Variants in ZC3H12B observed in about 807,000 individuals in gnomAD.
ZC3H12B encodes probable ribonuclease ZC3H12B.
Under a neutral mutation model 43.9 loss-of-function variants are expected in ZC3H12B, and 7 were observed. The ratio of observed to expected loss-of-function variants is 0.16; its 90% CI spans 0.09 to 0.30. The LOEUF (loss-of-function observed/expected upper bound fraction) is 0.30, where lower values mean the gene tolerates loss of function less well. ZC3H12B is among the 10% of genes least tolerant of loss of function. ZC3H12B has a pLI of 1.00. For synonymous variants in ZC3H12B, 222 were observed against 241.7 expected, an observed-to-expected ratio of 0.92 and a Z score of 0.76; for missense variants, 475 against 670.2, an observed-to-expected ratio of 0.71 and a Z score of 3.22.
the ZC3H12B span, among the ~76,000 whole-genome samples, chrX:65,135,759 T>C: frequency 9.2e-6 from 1 of 108,573 alleles, no homozygotes; most frequent in African/African-American, 3.3e-5. Context: ...TCTTTTTTTT[T>C]TTTTTTTGAG....
chrX:65,324,891 G>A, the ZC3H12B span, among the ~76,000 whole-genome samples: 1 of 109,820 alleles, frequency 9.1e-6, no homozygotes, highest in African/African-American at 3.3e-5. Flanking sequence ...AGAAAGTAGG[G>A]TATTTAAGTA....
the ZC3H12B span, chrX:65,271,561 G>C: frequency 8.9e-6 from 1 of 112,258 alleles, no homozygotes; most frequent in Non-Finnish European, 1.9e-5. Context: ...TGGATGATAT[G>C]GTAAACATTT....
chrX:65,332,501 G>C, the ZC3H12B span, among the ~76,000 whole-genome samples: 187 of 111,582 alleles, frequency 1.7e-3, no homozygotes, highest in African/African-American at 5.9e-3. Context: ...TAAATAAGAA[G>C]ACATTCCATG....
the ZC3H12B span, among the ~76,000 whole-genome samples, chrX:65,289,213 C>T: frequency 3.7e-4 from 41 of 110,889 alleles, 1 homozygote; most frequent in South Asian, 0.015. Flanking sequence ...ATAACAGTGG[C>T]ATTATTCACA....
At chrX:65,266,327 T>C in the ZC3H12B span, among the ~76,000 whole-genome samples, 2 of 111,246 alleles carry the variant, frequency 1.8e-5, no homozygotes, top group African/African-American at 6.5e-5. Context: ...AATCAAGTCT[T>C]AATTGTAGTA....
chrX:65,341,845 A>C, the ZC3H12B span, among the ~76,000 whole-genome samples: 190 of 111,407 alleles, frequency 1.7e-3, 1 homozygote, highest in African/African-American at 5.8e-3. Context: ...TGATGACAGG[A>C]TCAAATCCAC....
the ZC3H12B span, among the ~76,000 whole-genome samples, chrX:65,070,151 T>C: frequency 9.1e-6 from 1 of 110,496 alleles, no homozygotes; most frequent in Non-Finnish European, 1.9e-5. Flanking sequence ...ATTCAATGTC[T>C]TTTTTATTTT....
chrX:65,133,386 G>A, the ZC3H12B span, among the ~76,000 whole-genome samples: 18 of 110,257 alleles, frequency 1.6e-4, no homozygotes, highest in African/African-American at 5.3e-4. Flanking sequence ...GAATAAGATG[G>A]CCTTCTGGCC....
chrX:65,387,975 C>G (rs2066554218), intron 2 of ZC3H12B, among the ~76,000 whole-genome samples: 2 of 112,164 alleles, frequency 1.8e-5, no homozygotes, highest in Admixed American at 1.9e-4. Context: ...GGCCCCCACT[C>G]TCTTCTGGCT....
chrX:65,308,487 G>A, the ZC3H12B span, among the ~76,000 whole-genome samples: 1 of 111,558 alleles, frequency 9.0e-6, no homozygotes, highest in African/African-American at 3.3e-5. Flanking sequence ...GATTCATAAA[G>A]CAACTCCTTA....
chrX:65,102,353 C>A, the ZC3H12B span, among the ~76,000 whole-genome samples: 3 of 111,968 alleles, frequency 2.7e-5, no homozygotes, highest in Non-Finnish European at 5.6e-5. Context: ...CTCCCCACTC[C>A]TATTCATCAC....
chrX:65,122,170 G>C, the ZC3H12B span, among the ~76,000 whole-genome samples: 3 of 111,161 alleles, frequency 2.7e-5, no homozygotes, highest in Non-Finnish European at 5.7e-5. Context: ...GGTCTGCTTG[G>C]TGCAGAGCTG....
At chrX:65,381,517 G>C (rs1307092803) in intron 2 of ZC3H12B, among the ~76,000 whole-genome samples, 4 of 110,871 alleles carry the variant, frequency 3.6e-5, no homozygotes, top group Non-Finnish European at 7.6e-5. Context: ...ATCCAAAATT[G>C]ACACCCTAAC....
the ZC3H12B span, among the ~76,000 whole-genome samples, chrX:65,079,381 G>C: frequency 8.9e-6 from 1 of 112,272 alleles, no homozygotes; most frequent in African/African-American, 3.2e-5. Flanking sequence ...GGAGTGAACA[G>C]AGGCAGTAAC....
the ZC3H12B span, among the ~76,000 whole-genome samples, chrX:65,231,273 C>G: frequency 1.8e-5 from 2 of 110,682 alleles, no homozygotes; most frequent in South Asian, 3.9e-4. Flanking sequence ...GATCACAAGG[C>G]AAAGGGTAGA....
chrX:65,070,119 G>C, the ZC3H12B span, among the ~76,000 whole-genome samples: 2 of 108,362 alleles, frequency 1.8e-5, no homozygotes, highest in Non-Finnish European at 3.8e-5. Context: ...AAATTTCAGA[G>C]CTCGTTATTG....
the ZC3H12B span, among the ~76,000 whole-genome samples, chrX:65,286,513 A>G: frequency 9.0e-6 from 1 of 110,693 alleles, no homozygotes; most frequent in Non-Finnish European, 1.9e-5. Flanking sequence ...GTGATGCACA[A>G]TTTACCCATG....
At chrX:65,101,577 G>T in the ZC3H12B span, among the ~76,000 whole-genome samples, 2 of 112,071 alleles carry the variant, frequency 1.8e-5, no homozygotes, top group African/African-American at 6.5e-5. Flanking sequence ...TGATCTCACA[G>T]AAATACAAAC....
At chrX:65,082,768 G>A in the ZC3H12B span, among the ~76,000 whole-genome samples, 1 of 110,858 alleles carries the variant, frequency 9.0e-6, no homozygotes, top group Non-Finnish European at 1.9e-5. Context: ...TATGAGGTCA[G>A]TATTACCCTA....
Sources: allele counts gnomAD v4.1 joint callset (sites outside exome capture counted in the v4.1 genomes callset), GRCh38; gene constraint gnomAD v4.1.1; transcripts MANE v1.5; gene names NCBI Gene and HGNC (gene_info 2026-07-23, HGNC 2026-07-21).